Variants in BCKDHB observed in about 807,000 individuals in gnomAD.
The protein encoded by BCKDHB is 2-oxoisovalerate dehydrogenase subunit beta, mitochondrial.
BCKDHB carries 41 observed loss-of-function variants against 48.5 expected under a neutral mutation model. The observed-to-expected ratio is 0.85, with a 90% CI of 0.66 to 1.10. The LOEUF is 1.10. Ranked by LOEUF, BCKDHB falls within the 50% of genes least tolerant of loss-of-function variation. The pLI is 0.00. For synonymous variants in BCKDHB, 201 were observed against 174.8 expected, an observed-to-expected ratio of 1.15 and a Z score of -1.18; for missense variants, 496 against 494.2, an observed-to-expected ratio of 1.00 and a Z score of -0.03.
At chr6:80,107,824 A>G (rs1240315390) in intron 1 of BCKDHB, among the ~76,000 whole-genome samples, 2 of 151,938 alleles carry the variant, frequency 1.3e-5, no homozygotes, top group African/African-American at 4.8e-5. Context: ...GATTTTTACC[A>G]TTTCTGCAAG....
intron 1 of BCKDHB, among the ~76,000 whole-genome samples, chr6:80,115,746 C>G (rs1468017161): frequency 6.6e-6 from 1 of 151,902 alleles, no homozygotes; most frequent in African/African-American, 2.4e-5. Flanking sequence ...TCACCATTCT[C>G]CTGCCTCAGC....
intron 9 of BCKDHB, among the ~76,000 whole-genome samples, chr6:80,334,988 A>G (rs1413636631): frequency 2.0e-5 from 3 of 151,880 alleles, no homozygotes; most frequent in African/African-American, 7.2e-5. Flanking sequence ...AGAGGGAGAA[A>G]TCACTCTATT....
intron 8 of BCKDHB, among the ~76,000 whole-genome samples, chr6:80,216,512 C>T (rs928766523): frequency 1.3e-5 from 2 of 152,074 alleles, no homozygotes; most frequent in Admixed American, 6.5e-5. Flanking sequence ...TTATATTGTT[C>T]CATTTCACAT....
At chr6:80,239,937 G>T (rs1776310701) in intron 8 of BCKDHB, among the ~76,000 whole-genome samples, 1 of 152,038 alleles carries the variant, frequency 6.6e-6, no homozygotes, top group Non-Finnish European at 1.5e-5. Context: ...ACTTCTGAGG[G>T]CTCTGTTCTG....
chr6:80,280,775 G>C (rs1778162144), intron 9 of BCKDHB, among the ~76,000 whole-genome samples: 1 of 152,154 alleles, frequency 6.6e-6, no homozygotes, highest in South Asian at 2.1e-4. Context: ...ATTAAACTAG[G>C]TGAGATTTGA....
chr6:80,431,864 A>T, the BCKDHB span, among the ~76,000 whole-genome samples: 1 of 152,180 alleles, frequency 6.6e-6, no homozygotes, highest in East Asian at 1.9e-4. Flanking sequence ...TGCTTCCTTC[A>T]GGAGCTCTTG....
the BCKDHB span, among the ~76,000 whole-genome samples, chr6:80,445,895 A>G: frequency 2.0e-5 from 3 of 152,240 alleles, no homozygotes; most frequent in African/African-American, 7.2e-5. Context: ...GTAGGTGCAC[A>G]TAAGTGAATA....
the BCKDHB span, among the ~76,000 whole-genome samples, chr6:80,365,642 A>G: frequency 2.0e-5 from 3 of 152,174 alleles, no homozygotes; most frequent in South Asian, 4.1e-4. Context: ...CACTGATTTC[A>G]TATTGTTCAA....
At chr6:80,250,742 A>G (rs920586606) in intron 8 of BCKDHB, among the ~76,000 whole-genome samples, 2 of 152,166 alleles carry the variant, frequency 1.3e-5, no homozygotes, top group African/African-American at 4.8e-5. Context: ...GAATGAATCC[A>G]TCTTATAAGA....
chr6:80,130,442 T>G (rs1770571857), intron 3 of BCKDHB, among the ~76,000 whole-genome samples: 1 of 152,206 alleles, frequency 6.6e-6, no homozygotes, highest in South Asian at 2.1e-4. Context: ...ACATGTTCCA[T>G]CTCACTTATT....
chr6:80,435,610 C>T, the BCKDHB span, among the ~76,000 whole-genome samples: 3 of 152,170 alleles, frequency 2.0e-5, no homozygotes, highest in Non-Finnish European at 1.5e-5. Context: ...GCAATGCAAA[C>T]TTGCAGCCTC....
chr6:80,257,244 T>TA (rs1427847943), intron 8 of BCKDHB, among the ~76,000 whole-genome samples: 1 of 152,142 alleles, frequency 6.6e-6, no homozygotes, highest in East Asian at 1.9e-4. Flanking sequence ...ACTTTTGGTT[T>TA]AAAATCCTAG....
intron 3 of BCKDHB, among the ~76,000 whole-genome samples, chr6:80,142,332 T>G (rs927708296): frequency 2.0e-5 from 3 of 152,134 alleles, no homozygotes; most frequent in African/African-American, 7.2e-5. Flanking sequence ...AATCCTAATA[T>G]GAGTTATAAA....
the BCKDHB span, among the ~76,000 whole-genome samples, chr6:80,353,186 A>ACTTAAGATAATGAC: frequency 9.9e-5 from 15 of 152,226 alleles, no homozygotes; most frequent in Non-Finnish European, 1.6e-4. Flanking sequence ...GGCTTGTTTT[A>ACTTAAGATAATGAC]CTTAAGATAA....
chr6:80,263,265 T>G (rs930940286), intron 8 of BCKDHB, among the ~76,000 whole-genome samples: 4 of 152,184 alleles, frequency 2.6e-5, no homozygotes, highest in African/African-American at 9.7e-5. Context: ...ACCTTCTCTA[T>G]TAAGTAATCA....
intron 1 of BCKDHB, among the ~76,000 whole-genome samples, chr6:80,115,757 C>T (rs1769663859): frequency 2.0e-5 from 3 of 152,026 alleles, no homozygotes; most frequent in African/African-American, 7.2e-5. Flanking sequence ...CTGCCTCAGC[C>T]TCCCAAGTAG....
chr6:80,319,564 T>A (rs1039244446), intron 9 of BCKDHB, among the ~76,000 whole-genome samples: 5 of 152,190 alleles, frequency 3.3e-5, no homozygotes, highest in Non-Finnish European at 7.3e-5. Flanking sequence ...CTCTAATGCC[T>A]AAGGAAACGT....
intron 7 of BCKDHB, among the ~76,000 whole-genome samples, chr6:80,201,766 G>A (rs994516171): frequency 1.2e-4 from 18 of 151,802 alleles, no homozygotes; most frequent in African/African-American, 3.6e-4. Context: ...CTCTGGCCAC[G>A]AACTCCTATC....
chr6:80,116,211 G>A (rs138804498), intron 1 of BCKDHB, among the ~76,000 whole-genome samples: 39 of 152,222 alleles, frequency 2.6e-4, no homozygotes, highest in African/African-American at 8.4e-4. Context: ...ATACTGCATA[G>A]TTATTAAAGA....
Sources: gnomAD v4.1 joint callset for allele counts (sites outside exome capture counted in the v4.1 genomes callset) on GRCh38, gnomAD v4.1.1 for gene constraint, MANE v1.5 for transcripts, NCBI Gene and HGNC (gene_info 2026-07-23, HGNC 2026-07-21) for gene names.